The following OR5V1 variants were observed in gnomAD, a reference collection of about 807,000 sequenced individuals.
OR5V1 encodes olfactory receptor family 5 subfamily V member 1, also known as olfactory receptor 5V1.
For missense variants in OR5V1, 365 were observed against 371.5 expected, an observed-to-expected ratio of 0.98 and a Z score of 0.14; for synonymous variants, 134 against 143.2, an observed-to-expected ratio of 0.94 and a Z score of 0.46.
Position 29,355,833 on chromosome 6 carries a change from A to G in OR5V1, c.363T>C (p.Asp121=). Residue 121 remains aspartate, a synonymous_variant, in exon 2 of 2, where the codon GAT becomes GAC. Transcript: ENST00000641768. ...AAGGATTGCAGATTGCAATGTAACGATCATATGCCATTGCTGCCAGTAGGA... is the reference window on the plus strand; with the variant it reads ...AAGGATTGCAGATTGCAATGTAACGGTCATATGCCATTGCTGCCAGTAGGA... ...ECLLLAAMAY[D]RYIAICNPLR... is the part of the protein sequence containing the mutation. The G allele has an allele frequency of 6.2e-7, 1 of 1,614,058 alleles. No individual in the cohort carries two copies. Among genetic ancestry groups the G allele is most frequent in the Middle Eastern group, 1.6e-4 (1 of 6,062 alleles).
Position 29,356,119 on chromosome 6 carries a change from A to G in OR5V1, c.77T>C (p.Leu26Ser). 6.2e-7 allele frequency: 1 copy of G among 1,612,988 alleles called. No individual in the cohort carries two copies. Among genetic ancestry groups the G allele is most frequent in the Non-Finnish European group, 8.5e-7 (1 of 1,179,586 alleles). ...GFSNLNELQF[L>S]LFTIFFLTYF... ...AGTCAGAAAGAAGATGGTGAATAGT[A>G]AAAACTGCAATTCATTTAGGTTGGA... Residue 26 changes from leucine to serine, a missense_variant, in exon 2 of 2, where the codon TTA becomes TCA. Leu to Ser is a moderately radical substitution (Grantham distance 145). Transcript: ENST00000641768.
In OR5V1 at chr6:29,356,192, C is replaced by T. The variant is rs759766933; in HGVS notation, c.4G>A (p.Glu2Lys). Residue 2 changes from glutamate (E) to lysine (K), a missense_variant, in exon 2 of 2, where the codon GAA becomes AAA. Coordinates refer to ENST00000641768, the MANE Select transcript of OR5V1 (RefSeq NM_030876.6). Reference sequence around the variant, plus strand: ...GTTATAGCTGTTTGATTCTTTCTTTCCATGATGTCGCCTGGTTTCCTTTCA... The same window carrying T: ...GTTATAGCTGTTTGATTCTTTCTTTTCATGATGTCGCCTGGTTTCCTTTCA... M[E>K]RKNQTAITEF... is the part of the protein sequence containing the mutation. 1 of 1,559,412 alleles carries T rather than the reference C, an allele frequency of 6.4e-7. No individual in the cohort carries two copies. Among genetic ancestry groups the T allele is most frequent in the South Asian group, 1.3e-5 (1 of 78,838 alleles).
chr6:29,362,862 G>A (rs562110873), intron 1 of OR5V1, among the ~76,000 whole-genome samples: 2 of 152,114 alleles, frequency 1.3e-5, no homozygotes, highest in African/African-American at 4.8e-5. Flanking sequence ...ATTTAAAATC[G>A]ACCCCCTAAC....
chr6:29,358,023 TG>T (rs1441545048), intron 1 of OR5V1, among the ~76,000 whole-genome samples: 2 of 152,172 alleles, frequency 1.3e-5, no homozygotes, highest in African/African-American at 4.8e-5. Flanking sequence ...GTGGCTTAAT[TG>T]TGCTTTTGTT....
Position 29,365,506 on chromosome 6 carries a change from C to T in OR5V1, c.-83+3126G>A, listed in dbSNP as rs147090638. Among the ~76,000 whole-genome samples, 1,069 of 152,188 alleles carry T rather than the reference C, an allele frequency of 7.0e-3. 9 individuals carry two copies. The highest frequency in any genetic ancestry group is 0.011 in the Non-Finnish European group (715 of 67,994). On this transcript the variant is annotated intron_variant, in intron 1 of 1. Transcript: ENST00000641768. ...AAAGTGGGTGATGGATATGAACAGA[C>T]ACTTCTCAAAAGAAGACATTTATGT...
Position 29,361,466 on chromosome 6 carries a change from A to G in OR5V1, c.-82-5189T>C, listed in dbSNP as rs1042749169. 9.5e-4 allele frequency among the ~76,000 whole-genome samples: 145 copies of G among 152,290 alleles called. 1 individual carries two copies. The highest frequency in any genetic ancestry group is 1.6e-3 in the Non-Finnish European group (110 of 68,024). On this transcript the variant is annotated intron_variant, in intron 1 of 1. Transcript: ENST00000641768. ...GATACTCCTCGAGAAGGGCAACCCC[A>G]AGACACATAATCATCAGATTATCCA...
At chr6:29,357,365 CAGGTAAAAAAA>C (rs1433938821) in intron 1 of OR5V1, among the ~76,000 whole-genome samples, 3 of 151,944 alleles carry the variant, frequency 2.0e-5, no homozygotes, top group Non-Finnish European at 4.4e-5. Context: ...ACGCAGCTAG[CAGGTAAAAAAA>C]AGGTAGGTTT....
chr6:29,355,607 A>G lies in OR5V1; in HGVS notation c.589T>C (p.Leu197=). ...LSCGNTSVNE[L]ALLSTGVFIG... ...AAGACCCCAGTGGATAGCAGTGCCAACTCATTGACAGAAGTGTTTCCACAA... is the reference window on the plus strand; with the variant it reads ...AAGACCCCAGTGGATAGCAGTGCCAGCTCATTGACAGAAGTGTTTCCACAA... Residue 197 remains leucine, a synonymous_variant, in exon 2 of 2, where the codon TTG becomes CTG. Coordinates refer to ENST00000641768, the MANE Select transcript of OR5V1 (RefSeq NM_030876.6). 6.2e-7 allele frequency: 1 copy of G among 1,613,968 alleles called. No homozygotes were observed. Among genetic ancestry groups the G allele is most frequent in the Non-Finnish European group, 8.5e-7 (1 of 1,179,890 alleles).
chr6:29,356,379 T>C, intron 1 of OR5V1, 102 bp from the exon 2 acceptor site: 1 of 596,620 alleles, frequency 1.7e-6, no homozygotes. Context: ...CTACCTACCA[T>C]GCAACACAGA....
rs1778133582 is a variant in OR5V1, at chr6:29,354,003, G to A, written c.*1227C>T. On this transcript the variant is annotated 3_prime_UTR_variant, in exon 2 of 2. Transcript: ENST00000641768. The stretch of plus-strand genomic sequence containing the variant: ...TTAAACAGAATAGGAATGGAGACAA[G>A]GCACTCCACTAGAACACTATGACAA... 1 of 152,044 alleles carries A rather than the reference G, an allele frequency of 6.6e-6. No individual in the cohort carries two copies. The highest frequency in any genetic ancestry group is 2.4e-5 in the African/African-American group (1 of 41,414). The allele number at this position is 152,044 out of a possible 1,614,324, so 9.4% of individuals were successfully genotyped here.
chr6:29,360,495 C>A (rs1020909411), intron 1 of OR5V1, among the ~76,000 whole-genome samples: 1 of 152,168 alleles, frequency 6.6e-6, no homozygotes, highest in African/African-American at 2.4e-5. Context: ...AGAGAGACTC[C>A]CCAACAGGGG....
intron 1 of OR5V1, among the ~76,000 whole-genome samples, chr6:29,368,293 A>G (rs1778957023): frequency 6.6e-6 from 1 of 152,206 alleles, no homozygotes; most frequent in Non-Finnish European, 1.5e-5. Flanking sequence ...TGTTCCTGAT[A>G]CTATTCTCTG....
At chr6:29,362,591 C>A (rs539019084) in intron 1 of OR5V1, among the ~76,000 whole-genome samples, 56 of 152,308 alleles carry the variant, frequency 3.7e-4, no homozygotes, top group Middle Eastern at 6.8e-3. Flanking sequence ...AACAGTCTCT[C>A]AGACCACAGT....
chr6:29,357,428 A>C (rs889681275), intron 1 of OR5V1, among the ~76,000 whole-genome samples: 1 of 152,162 alleles, frequency 6.6e-6, no homozygotes, highest in African/African-American at 2.4e-5. Context: ...AGTGGCTAAA[A>C]ATTTAATTTC....
In OR5V1 at chr6:29,354,297, C is replaced by A. The variant is rs1778149883; in HGVS notation, c.*933G>T. The A allele has an allele frequency of 6.6e-6, 1 of 151,972 alleles. No homozygotes were observed. The highest frequency in any genetic ancestry group is 6.6e-5 in the Admixed American group (1 of 15,238). The allele number at this position is 151,972 out of a possible 1,614,324, so 9.4% of individuals were successfully genotyped here. The stretch of plus-strand genomic sequence containing the variant: ...GTCTGTATTTATTTCTCTCTTCCAC[C>A]ACTTAGTCTTCCTTCCCATTTGTCT... On this transcript the variant is annotated 3_prime_UTR_variant, in exon 2 of 2. Coordinates refer to ENST00000641768, the MANE Select transcript of OR5V1 (RefSeq NM_030876.6).
In OR5V1 at chr6:29,355,372, G is replaced by C. The variant is rs867076795; in HGVS notation, c.824C>G (p.Ser275Ter). The change falls in exon 2 of 2, where the codon TCA (serine) becomes TGA (stop). Residue 275 changes from serine (S) to a stop codon, truncating the protein, a stop_gained. Coordinates refer to ENST00000641768, the MANE Select transcript of OR5V1 (RefSeq NM_030876.6). LOFTEE classifies it low-confidence loss of function (END_TRUNC). The part of the protein sequence containing the change: ...TYSLKKDRLV[S>*]VLYSVVTPML... ...GGGGGTAACAACACTGTACAACACT[G>C]AAACCAACCTATCTTTCTTTAATGA... The C allele has an allele frequency of 6.2e-7, 1 of 1,613,968 alleles. No individual in the cohort carries two copies. The highest frequency in any genetic ancestry group is 8.5e-7 in the Non-Finnish European group (1 of 1,179,906).
At chr6:29,360,015 G>A (rs1193449964) in intron 1 of OR5V1, among the ~76,000 whole-genome samples, 1 of 152,190 alleles carries the variant, frequency 6.6e-6, no homozygotes. Flanking sequence ...AAGGACCACT[G>A]GCTTAAAATT....
At chr6:29,367,709 A>G (rs980999541) in intron 1 of OR5V1, among the ~76,000 whole-genome samples, 3 of 152,146 alleles carry the variant, frequency 2.0e-5, no homozygotes, top group Non-Finnish European at 4.4e-5. Flanking sequence ...CTAGAACAAC[A>G]TCCTGCAGCT....
intron 1 of OR5V1, among the ~76,000 whole-genome samples, chr6:29,367,753 C>G (rs1778922018): frequency 6.6e-6 from 1 of 152,104 alleles, no homozygotes; most frequent in Non-Finnish European, 1.5e-5. Flanking sequence ...GTCATTGTTG[C>G]CTCTCATAGG....
Sources: allele counts gnomAD v4.1 joint callset (sites outside exome capture counted in the v4.1 genomes callset), GRCh38; gene constraint gnomAD v4.1.1; transcripts MANE v1.5; gene names NCBI Gene and HGNC (gene_info 2026-07-23, HGNC 2026-07-21).